The following CC2D2B variants were observed in gnomAD, a reference collection of about 807,000 sequenced individuals.
The protein encoded by CC2D2B is coiled-coil and C2 domain containing 2B.
A neutral mutation model predicts 161.2 loss-of-function variants in CC2D2B; 128 were observed. The observed-to-expected ratio is 0.79, with a 90% confidence interval of 0.69 to 0.92. The LOEUF (loss-of-function observed/expected upper bound fraction) is 0.92. CC2D2B is among the 40% of genes least tolerant of loss of function. The pLI, the probability that CC2D2B is intolerant of heterozygous loss-of-function variation, is 0.00. For missense variants in CC2D2B, 1,173 were observed against 1,375.1 expected (o/e 0.85, Z 2.32); for synonymous variants, 391 against 449.8 (o/e 0.87, Z 1.65).
chr10:95,986,599 TA>T (rs1200118834), intron 19 of CC2D2B, among the ~76,000 whole-genome samples: 1 of 151,954 alleles, frequency 6.6e-6, no homozygotes, highest in African/African-American at 2.4e-5. Flanking sequence ...AGAACAAGAT[TA>T]ATTAGTTTTT....
chr10:95,961,925 T>G lies in CC2D2B; in HGVS notation c.1206T>G (p.His402Gln). 8.1e-7 allele frequency: 1 copy of G among 1,231,622 alleles called. No homozygotes were observed. The highest frequency in any genetic ancestry group is 1.0e-6 in the Non-Finnish European group (1 of 987,656). 76.3% of individuals were successfully genotyped at this position (1,231,622 alleles called of 1,614,324 possible). The change falls in exon 12 of 35, where the codon CAT becomes CAG. Residue 402 changes from histidine to glutamine, a missense_variant. By Grantham distance (24) the His-to-Gln change is conservative. Transcript: ENST00000646931. ...RTWKQIKSLRHGQGFTSTPIK... is the reference protein window; with the variant it reads ...RTWKQIKSLRQGQGFTSTPIK... ...GGAAACAGATTAAATCTCTTCGACATGGGCAAGGGTTTACAAGCACCCCAA... is the reference window on the plus strand; with the variant it reads ...GGAAACAGATTAAATCTCTTCGACAGGGGCAAGGGTTTACAAGCACCCCAA...
At chr10:96,031,408 C>G (rs548424291) in intron 34 of CC2D2B, among the ~76,000 whole-genome samples, 9 of 152,202 alleles carry the variant, frequency 5.9e-5, no homozygotes, top group Non-Finnish European at 1.2e-4. Flanking sequence ...TCCTTTAATC[C>G]CATCACATAG....
intron 3 of CC2D2B, 63 bp downstream of exon 3, chr10:95,922,139 T>C: frequency 1.1e-6 from 1 of 905,204 alleles, no homozygotes; most frequent in Non-Finnish European, 1.7e-6. Context: ...ATGTAAATGA[T>C]TAATCCTGTG....
intron 10 of CC2D2B, among the ~76,000 whole-genome samples, chr10:95,954,636 C>G (rs2076514044): frequency 6.6e-6 from 1 of 152,010 alleles, no homozygotes; most frequent in Non-Finnish European, 1.5e-5. Flanking sequence ...TTTTTAAAAC[C>G]CTGTTACCAT....
intron 31 of CC2D2B, 52 bp from the exon 32 acceptor site, chr10:96,019,649 TG>T: frequency 6.6e-7 from 1 of 1,505,192 alleles, no homozygotes; most frequent in Non-Finnish European, 8.8e-7. Flanking sequence ...TTACCAACAA[TG>T]GGCCTTGTGT....
rs1182024818 is a variant in CC2D2B, at chr10:96,012,259, TA to T, written c.3123del (p.Glu1042LysfsTer8). On this transcript the variant is annotated frameshift_variant, in exon 27 of 35. Transcript: ENST00000646931. LOFTEE classifies it high-confidence loss of function. ...YTWSNTYVFP[K>X]EDSNEQNLKE... is the part of the protein sequence containing the mutation. ...CTTGGAGTAATACTTATGTATTTCCTAAAGAAGATTCCAATGAGCAGAATTT... is the reference window on the plus strand; with the variant it reads ...CTTGGAGTAATACTTATGTATTTCCTAAGAAGATTCCAATGAGCAGAATTT... The T allele has an allele frequency of 2.8e-6, 2 of 712,826 alleles. No homozygotes were observed. Among genetic ancestry groups the T allele is most frequent in the East Asian group, 5.4e-5 (2 of 37,224 alleles). The allele number at this position is 712,826 out of a possible 1,614,324, so 44.2% of individuals were successfully genotyped here.
At chr10:95,912,619 C>T (rs1263289098) in intron 2 of CC2D2B, among the ~76,000 whole-genome samples, 2 of 152,150 alleles carry the variant, frequency 1.3e-5, no homozygotes, top group Admixed American at 1.3e-4. Context: ...AACGTTGCCA[C>T]ACGCTGCAGG....
chr10:95,929,558 G>A (rs769167660), intron 6 of CC2D2B, among the ~76,000 whole-genome samples: 2 of 152,148 alleles, frequency 1.3e-5, no homozygotes, highest in African/African-American at 2.4e-5. Flanking sequence ...AATCCATCTC[G>A]AGTTAATTTT....
At chr10:96,024,803 A>T in intron 32 of CC2D2B, 50 bp from the exon 33 acceptor site, 1 of 1,088,958 alleles carries the variant, frequency 9.2e-7, no homozygotes, top group Admixed American at 2.1e-5. Flanking sequence ...AGTGACTGTG[A>T]TGTAAACATG....
At chr10:95,962,414 G>C (rs1204619847) in intron 12 of CC2D2B, among the ~76,000 whole-genome samples, 1 of 152,136 alleles carries the variant, frequency 6.6e-6, no homozygotes, top group Non-Finnish European at 1.5e-5. Context: ...TGCTGGAAAG[G>C]ATGCTGAGCA....
intron 12 of CC2D2B, 111 bp from the exon 13 acceptor site, chr10:95,965,785 T>TG (rs2076919296): frequency 5.8e-6 from 2 of 344,348 alleles, no homozygotes; most frequent in Non-Finnish European, 1.0e-5. Flanking sequence ...GAGATTGGTT[T>TG]TGTGTGTGTG....
chr10:96,025,192 A>AAAAT (rs1284499689), intron 33 of CC2D2B, among the ~76,000 whole-genome samples: 17 of 49,168 alleles, frequency 3.5e-4, no homozygotes, highest in African/African-American at 1.2e-3. Context: ...TATAAAAAAA[A>AAAAT]ATATATATAT....
At chr10:96,018,194 T>G (rs766260388) in intron 30 of CC2D2B, among the ~76,000 whole-genome samples, 9 of 152,228 alleles carry the variant, frequency 5.9e-5, no homozygotes, top group Non-Finnish European at 4.4e-5. Flanking sequence ...CTCAATAAAT[T>G]AAATAGTCTC....
intron 24 of CC2D2B, among the ~76,000 whole-genome samples, chr10:95,999,136 G>A (rs777717400): frequency 6.6e-5 from 10 of 152,136 alleles, no homozygotes; most frequent in Admixed American, 2.0e-4. Flanking sequence ...CTAGAATAAT[G>A]TTTGACCAAA....
intron 33 of CC2D2B, among the ~76,000 whole-genome samples, chr10:96,026,160 C>T (rs2079765070): frequency 6.6e-6 from 1 of 152,180 alleles, no homozygotes; most frequent in Admixed American, 6.5e-5. Context: ...GCACTATAAA[C>T]TCAGCTAAGA....
At chr10:95,962,871 C>T (rs2076813844) in intron 12 of CC2D2B, among the ~76,000 whole-genome samples, 3 of 149,646 alleles carry the variant, frequency 2.0e-5, no homozygotes, top group Admixed American at 6.8e-5. Flanking sequence ...TAATGACTTG[C>T]TTCTAATCCT....
chr10:95,939,601 T>C (rs1220109974), intron 9 of CC2D2B, among the ~76,000 whole-genome samples: 2 of 152,226 alleles, frequency 1.3e-5, no homozygotes, highest in Non-Finnish European at 2.9e-5. Flanking sequence ...ATACACAAAC[T>C]AAGAAGTGTG....
chr10:96,002,839 G>A (rs2078559657), intron 24 of CC2D2B, among the ~76,000 whole-genome samples: 1 of 151,950 alleles, frequency 6.6e-6, no homozygotes. Flanking sequence ...AACAAGTAAT[G>A]TCAGTGGCAG....
intron 32 of CC2D2B, chr10:96,022,543 C>A (rs1249933407): frequency 6.6e-6 from 1 of 152,210 alleles, no homozygotes; most frequent in East Asian, 1.9e-4. Flanking sequence ...AGAGTCCATA[C>A]CTTGCTTTGC....
Sources: gnomAD v4.1 joint callset for allele counts (sites outside exome capture counted in the v4.1 genomes callset) on GRCh38, gnomAD v4.1.1 for gene constraint, MANE v1.5 for transcripts, NCBI Gene and HGNC (gene_info 2026-07-23, HGNC 2026-07-21) for gene names.